Variants in GMDS observed in about 807,000 individuals in gnomAD.
GMDS encodes GDP-mannose 4,6 dehydratase.
GMDS carries 20 observed loss-of-function variants against 49.9 expected under a neutral mutation model. The ratio of observed to expected loss-of-function variants is 0.40; its 90% CI spans 0.28 to 0.58. GMDS has a LOEUF of 0.58. GMDS is among the 20% of genes least tolerant of loss of function. The pLI, the probability that GMDS is intolerant of heterozygous loss-of-function variation, is 0.42. For synonymous variants in GMDS, 177 were observed against 178.6 expected, an observed-to-expected ratio of 0.99 and a Z score of 0.07; for missense variants, 362 against 481.4, an observed-to-expected ratio of 0.75 and a Z score of 2.32.
chr6:1,736,455 G>T (rs185506614), intron 8 of GMDS, among the ~76,000 whole-genome samples: 11 of 152,328 alleles, frequency 7.2e-5, no homozygotes, highest in Non-Finnish European at 1.6e-4. Context: ...TCTTGAAGGT[G>T]TGAGTCCCTT....
intron 1 of GMDS, among the ~76,000 whole-genome samples, chr6:2,136,566 T>G (rs777535540): frequency 3.3e-5 from 5 of 152,050 alleles, no homozygotes; most frequent in African/African-American, 4.8e-5. Flanking sequence ...TACAAAAGAT[T>G]TTTAAAATAA....
chr6:1,703,628 G>A (rs915012161), intron 9 of GMDS, among the ~76,000 whole-genome samples: 16 of 152,216 alleles, frequency 1.1e-4, no homozygotes, highest in African/African-American at 2.4e-4. Flanking sequence ...GCCTGGATGC[G>A]CCTGCTGGCA....
intron 7 of GMDS, among the ~76,000 whole-genome samples, chr6:1,803,862 T>C (rs1190431374): frequency 1.3e-5 from 2 of 152,188 alleles, no homozygotes; most frequent in Non-Finnish European, 2.9e-5. Flanking sequence ...GACTCTCCAC[T>C]TGCTTGGGGT....
intron 9 of GMDS, among the ~76,000 whole-genome samples, chr6:1,667,792 G>A (rs1156391047): frequency 2.1e-5 from 3 of 145,364 alleles, no homozygotes; most frequent in African/African-American, 7.4e-5. Flanking sequence ...TTGCCTTAAG[G>A]TGGCCATTCC....
chr6:1,748,590 G>A (rs571702378), intron 7 of GMDS, among the ~76,000 whole-genome samples: 55 of 152,232 alleles, frequency 3.6e-4, no homozygotes, highest in Non-Finnish European at 5.3e-4. Flanking sequence ...TAAGCCAGGG[G>A]ACAGACAACT....
chr6:2,124,938 A>G (rs1474438719), intron 1 of GMDS, among the ~76,000 whole-genome samples: 1 of 152,240 alleles, frequency 6.6e-6, no homozygotes, highest in African/African-American at 2.4e-5. Context: ...TATTCATTTG[A>G]GCTCCACAGA....
At chr6:2,100,209 A>G (rs1035402862) in intron 4 of GMDS, among the ~76,000 whole-genome samples, 1 of 152,112 alleles carries the variant, frequency 6.6e-6, no homozygotes, top group South Asian at 2.1e-4. Flanking sequence ...ATTTCAATAT[A>G]CCAATCAAAA....
At chr6:1,940,852 G>A (rs529323904) in intron 6 of GMDS, among the ~76,000 whole-genome samples, 9 of 152,260 alleles carry the variant, frequency 5.9e-5, no homozygotes, top group African/African-American at 2.2e-4. Context: ...TGGTACTATT[G>A]ACATTTAAGG....
intron 1 of GMDS, among the ~76,000 whole-genome samples, chr6:2,141,892 T>TC (rs1776314760): frequency 1.0e-5 from 1 of 96,500 alleles, no homozygotes; most frequent in South Asian, 3.2e-4. Context: ...CTCTCTCTCT[T>TC]CTCTTTCTTC....
intron 7 of GMDS, among the ~76,000 whole-genome samples, chr6:1,793,419 C>T (rs189470015): frequency 3.9e-5 from 6 of 152,258 alleles, no homozygotes; most frequent in African/African-American, 1.4e-4. Flanking sequence ...TAAAGTAGGC[C>T]TGAACCAGGG....
chr6:1,731,742 A>C (rs776324111), intron 8 of GMDS, among the ~76,000 whole-genome samples: 25 of 152,318 alleles, frequency 1.6e-4, no homozygotes, highest in East Asian at 3.9e-4. Context: ...AGATGTCAGG[A>C]AATAGGGGCT....
chr6:1,920,834 T>C (rs1401138058), intron 7 of GMDS, among the ~76,000 whole-genome samples: 2 of 152,210 alleles, frequency 1.3e-5, no homozygotes, highest in Non-Finnish European at 1.5e-5. Flanking sequence ...AGGAATCTCA[T>C]GGACTTGGTA....
At chr6:1,941,671 T>G (rs1412947366) in intron 6 of GMDS, among the ~76,000 whole-genome samples, 3 of 152,164 alleles carry the variant, frequency 2.0e-5, no homozygotes, top group African/African-American at 7.2e-5. Flanking sequence ...CACTTCAAGA[T>G]GGGCATGAAA....
At chr6:1,978,437 C>A (rs1765039986) in intron 4 of GMDS, among the ~76,000 whole-genome samples, 1 of 152,192 alleles carries the variant, frequency 6.6e-6, no homozygotes, top group Non-Finnish European at 1.5e-5. Context: ...AGAGTCCTAG[C>A]CGACTGAGGC....
intron 7 of GMDS, among the ~76,000 whole-genome samples, chr6:1,777,835 C>T (rs1173207557): frequency 1.3e-5 from 2 of 152,024 alleles, no homozygotes; most frequent in Admixed American, 6.5e-5. Flanking sequence ...AATAACGAAC[C>T]AGGGAATTAA....
Position 2,191,615 on chromosome 6 carries a change from T to C in GMDS, c.102+53706A>G, listed in dbSNP as rs1255677242. ...CACCTGCTATGATCTCCGAATGGGG[T>C]TGGGGCCAAGCCGGGGAGCTGTCAC... On this transcript the variant is annotated intron_variant, in intron 1 of 10. Coordinates refer to ENST00000380815, the MANE Select transcript of GMDS (RefSeq NM_001500.4). The surrounding 1 kb of genome is among the most constrained non-coding windows in gnomAD (Gnocchi z 4.6). Among the ~76,000 whole-genome samples, 3 of 152,016 alleles carry C rather than the reference T, an allele frequency of 2.0e-5. No individual in the cohort carries two copies. Among genetic ancestry groups the C allele is most frequent in the Non-Finnish European group, 4.4e-5 (3 of 67,972 alleles).
chr6:1,739,142 T>G (rs1220475735), intron 8 of GMDS, among the ~76,000 whole-genome samples: 1 of 152,200 alleles, frequency 6.6e-6, no homozygotes, highest in Non-Finnish European at 1.5e-5. Context: ...ATCACAAAGT[T>G]TTTTTTGACA....
intron 1 of GMDS, among the ~76,000 whole-genome samples, chr6:2,146,329 A>T (rs1003868634): frequency 1.1e-4 from 16 of 152,146 alleles, no homozygotes; most frequent in Non-Finnish European, 1.8e-4. Flanking sequence ...TAAGTTCCTA[A>T]ATAAGGGTAG....
intron 7 of GMDS, among the ~76,000 whole-genome samples, chr6:1,839,286 C>A (rs1417580502): frequency 6.6e-6 from 1 of 152,150 alleles, no homozygotes; most frequent in African/African-American, 2.4e-5. Flanking sequence ...ATTTTTGGCT[C>A]ATAAGACTTA....
Sources: allele counts gnomAD v4.1 joint callset (sites outside exome capture counted in the v4.1 genomes callset), GRCh38; gene constraint gnomAD v4.1.1; non-coding constraint Gnocchi (gnomAD v3.1); transcripts MANE v1.5; gene names NCBI Gene and HGNC (gene_info 2026-07-23, HGNC 2026-07-21).